The following BCAS4 variants were observed in gnomAD, a reference collection of about 807,000 sequenced individuals.
BCAS4 encodes breast carcinoma amplified sequence 4.
BCAS4 carries 9 observed loss-of-function variants against 15.7 expected under a neutral mutation model. That is an observed-to-expected ratio of 0.57 (90% CI 0.34 to 1.00). The LOEUF (loss-of-function observed/expected upper bound fraction) is 1.00. Ranked by LOEUF, BCAS4 falls within the 50% of genes least tolerant of loss-of-function variation. The pLI, the probability that BCAS4 is intolerant of heterozygous loss-of-function variation, is 0.02. For synonymous variants in BCAS4, 101 were observed against 99.5 expected, an observed-to-expected ratio of 1.02 and a Z score of -0.09; for missense variants, 225 against 239.1, an observed-to-expected ratio of 0.94 and a Z score of 0.39.
chr20:50,841,714 A>T, intron 3 of BCAS4, 52 bp from the exon 4 acceptor site: 4 of 1,612,244 alleles, frequency 2.5e-6, no homozygotes, highest in Non-Finnish European at 3.4e-6. Context: ...GTGGCCAGGA[A>T]TGGGCTCCAG....
chr20:50,867,868 C>G (rs1254294150), intron 4 of BCAS4, among the ~76,000 whole-genome samples: 1 of 152,164 alleles, frequency 6.6e-6, no homozygotes, highest in African/African-American at 2.4e-5. Flanking sequence ...AAGCCAAGAT[C>G]ATGCCACTGC....
chr20:50,830,989 G>C (rs893047059), intron 3 of BCAS4, among the ~76,000 whole-genome samples: 2 of 152,142 alleles, frequency 1.3e-5, no homozygotes, highest in African/African-American at 4.8e-5. Flanking sequence ...ATCTGTTTAT[G>C]TTTCAAGGCA....
At chr20:50,832,941 G>A (rs954756348) in intron 3 of BCAS4, 2 of 152,242 alleles carry the variant, frequency 1.3e-5, no homozygotes, top group African/African-American at 4.8e-5. Flanking sequence ...ATATTCACAG[G>A]TTCTGGGACT....
At chr20:50,812,159 A>G (rs1273087546) in intron 1 of BCAS4, among the ~76,000 whole-genome samples, 2 of 150,748 alleles carry the variant, frequency 1.3e-5, no homozygotes, top group African/African-American at 4.9e-5. Flanking sequence ...TTGAGATGGA[A>G]TCTCACTCTG....
intron 4 of BCAS4, among the ~76,000 whole-genome samples, chr20:50,842,167 CA>C: frequency 6.6e-6 from 1 of 152,314 alleles, no homozygotes; most frequent in Non-Finnish European, 1.5e-5. Flanking sequence ...TGAGCAGAAA[CA>C]GCTCCCGCCC....
chr20:50,813,106 A>G (rs1371576022), intron 1 of BCAS4, among the ~76,000 whole-genome samples: 2 of 152,154 alleles, frequency 1.3e-5, no homozygotes, highest in Non-Finnish European at 2.9e-5. Flanking sequence ...TGTGTGCGCC[A>G]CTGTGCCTGG....
chr20:50,833,984 G>A (rs2088375708), intron 3 of BCAS4, among the ~76,000 whole-genome samples: 1 of 152,202 alleles, frequency 6.6e-6, no homozygotes, highest in Non-Finnish European at 1.5e-5. Flanking sequence ...GGAGGGAGCA[G>A]CTTGTGCAAA....
chr20:50,855,745 G>A (rs1978721665), intron 4 of BCAS4, among the ~76,000 whole-genome samples: 1 of 152,196 alleles, frequency 6.6e-6, no homozygotes, highest in South Asian at 2.1e-4. Flanking sequence ...GCCCCCCAGG[G>A]ACGCTTTTGA....
intron 4 of BCAS4, among the ~76,000 whole-genome samples, chr20:50,845,159 AG>A (rs2088528485): frequency 1.3e-5 from 2 of 151,900 alleles, no homozygotes; most frequent in African/African-American, 4.8e-5. Context: ...CGAGTCACTG[AG>A]GGGTTAAGTT....
At chr20:50,874,957 G>A (rs1471928098) in intron 4 of BCAS4, among the ~76,000 whole-genome samples, 1 of 152,130 alleles carries the variant, frequency 6.6e-6, no homozygotes, top group Non-Finnish European at 1.5e-5. Context: ...GTGGTGAGAA[G>A]GTCCCCTCCC....
At chr20:50,820,400 T>C (rs1403720450) in intron 2 of BCAS4, among the ~76,000 whole-genome samples, 3 of 152,130 alleles carry the variant, frequency 2.0e-5, no homozygotes, top group Non-Finnish European at 4.4e-5. Context: ...AATCTGGGGC[T>C]GTAAGGAGAA....
intron 1 of BCAS4, among the ~76,000 whole-genome samples, chr20:50,804,316 G>A (rs551756069): frequency 1.3e-5 from 2 of 152,162 alleles, no homozygotes; most frequent in African/African-American, 4.8e-5. Context: ...TGGGATTATA[G>A]GTATGAGCCA....
At chr20:50,825,495 A>G (rs1272279493) in intron 2 of BCAS4, among the ~76,000 whole-genome samples, 1 of 152,126 alleles carries the variant, frequency 6.6e-6, no homozygotes, top group African/African-American at 2.4e-5. Context: ...ACTACGGTAA[A>G]CCTCTGGGCA....
intron 3 of BCAS4, chr20:50,840,781 G>T: frequency 6.6e-7 from 1 of 1,504,264 alleles, no homozygotes; most frequent in Non-Finnish European, 9.2e-7. Flanking sequence ...CGAGGCACGC[G>T]AGAACGAGCG....
intron 1 of BCAS4, among the ~76,000 whole-genome samples, chr20:50,797,540 T>A (rs1375488292): frequency 6.6e-6 from 1 of 152,022 alleles, no homozygotes. Context: ...TACAAAAAAA[T>A]GTTAAAATAT....
chr20:50,806,107 T>A (rs746904017), intron 1 of BCAS4, among the ~76,000 whole-genome samples: 2 of 152,092 alleles, frequency 1.3e-5, no homozygotes, highest in Non-Finnish European at 2.9e-5. Context: ...CCTAGTAGGG[T>A]CCTTTTAAAT....
downstream of BCAS4, chr20:50,878,921 G>C (rs6096153): frequency 0.52 from 78,503 of 150,800 alleles, 24,139 homozygotes; most frequent in African/African-American, 0.87. Context: ...CCTCATGCCC[G>C]CTTCTGGTCC....
chr20:50,854,579 G>C (rs1568679450), intron 4 of BCAS4, among the ~76,000 whole-genome samples: 1 of 152,194 alleles, frequency 6.6e-6, no homozygotes, highest in South Asian at 2.1e-4. Context: ...AGCGGGAGGA[G>C]GTAGAAGAGG....
At chr20:50,872,263 CAAAAA>C (rs71192504) in intron 4 of BCAS4, among the ~76,000 whole-genome samples, 6 of 62,730 alleles carry the variant, frequency 9.6e-5, no homozygotes, top group African/African-American at 1.7e-4. Context: ...GACTCTGTCT[CAAAAA>C]AAAAAAAAAA....
Sources: gnomAD v4.1 joint callset for allele counts (sites outside exome capture counted in the v4.1 genomes callset) on GRCh38, gnomAD v4.1.1 for gene constraint, MANE v1.5 for transcripts, NCBI Gene and HGNC (gene_info 2026-07-23, HGNC 2026-07-21) for gene names.